The following GALNT2 variants were observed in gnomAD, a reference collection of about 807,000 sequenced individuals.
GALNT2 encodes the protein UDP-GalNAc:polypeptide N-acetylgalactosaminyltransferase 2.
In GALNT2, 31 loss-of-function variants were observed where a neutral mutation model predicts 81.4. The observed-to-expected ratio is 0.38, with a 90% CI of 0.29 to 0.51. The LOEUF (loss-of-function observed/expected upper bound fraction) is 0.51. GALNT2 is among the 20% of genes least tolerant of loss of function. The pLI, the probability that GALNT2 is intolerant of heterozygous loss-of-function variation, is 0.87. For synonymous variants in GALNT2, 303 were observed against 287.4 expected (o/e 1.05, Z -0.55); for missense variants, 629 against 765.7 (o/e 0.82, Z 2.11).
rs75748768 is a variant in GALNT2, at chr1:230,158,326, G to T, written c.127-19892G>T. 5.7e-3 allele frequency among the ~76,000 whole-genome samples: 871 copies of T among 152,356 alleles called. 12 individuals carry two copies. The highest frequency in any genetic ancestry group is 0.02 in the African/African-American group (846 of 41,572). ...TAAGGCCTGAACACAGCAGTTGGTTGTAGGATTCTGGAGAGACTGGAGCTT... is the reference window on the plus strand; with the variant it reads ...TAAGGCCTGAACACAGCAGTTGGTTTTAGGATTCTGGAGAGACTGGAGCTT... On this transcript the variant is annotated intron_variant, in intron 1 of 15. Coordinates refer to ENST00000366672, the MANE Select transcript of GALNT2 (RefSeq NM_004481.5).
At chr1:230,069,049 T>C (rs1571923351) in intron 1 of GALNT2, among the ~76,000 whole-genome samples, 1 of 152,220 alleles carries the variant, frequency 6.6e-6, no homozygotes, top group South Asian at 2.1e-4. Flanking sequence ...CTGCCTTTCA[T>C]GCAAAGAAAA....
chr1:230,167,298 C>A (rs1662639982), intron 1 of GALNT2, among the ~76,000 whole-genome samples: 1 of 152,024 alleles, frequency 6.6e-6, no homozygotes, highest in African/African-American at 2.4e-5. Flanking sequence ...GCTGTGCATC[C>A]CCACACCTGG....
In GALNT2 at chr1:230,243,160, G is replaced by T; in HGVS notation, c.608-146G>T. ...ATAGTCTGTCTCATGGAGCAGTTTTGATCTCATCCAGCAAGTTTACAGTAA... is the reference window on the plus strand; with the variant it reads ...ATAGTCTGTCTCATGGAGCAGTTTTTATCTCATCCAGCAAGTTTACAGTAA... On this transcript the variant is annotated intron_variant, in intron 6 of 15. Transcript: ENST00000366672. This position sits in a 1 kb window ranked among gnomAD's most constrained non-coding sequence, Gnocchi z 4.2. The T allele has an allele frequency of 9.9e-7, 1 of 1,009,526 alleles. No homozygotes were observed. Among genetic ancestry groups the T allele is most frequent in the Middle Eastern group, 2.5e-4 (1 of 3,946 alleles). 62.5% of individuals were successfully genotyped at this position (1,009,526 alleles called of 1,614,324 possible).
At chr1:230,122,458 A>C (rs546583505) in intron 1 of GALNT2, among the ~76,000 whole-genome samples, 1 of 152,192 alleles carries the variant, frequency 6.6e-6, no homozygotes, top group African/African-American at 2.4e-5. Flanking sequence ...CATCTTTTCA[A>C]ATCATAGCAT....
At chr1:230,160,604 C>T (rs1436732296) in intron 1 of GALNT2, among the ~76,000 whole-genome samples, 7 of 151,990 alleles carry the variant, frequency 4.6e-5, no homozygotes, top group Non-Finnish European at 1.0e-4. Flanking sequence ...ATCCCAGCTA[C>T]TCAGGAAGCT....
At chr1:230,079,599 C>T (rs1432280712) in intron 1 of GALNT2, among the ~76,000 whole-genome samples, 2 of 152,242 alleles carry the variant, frequency 1.3e-5, no homozygotes, top group African/African-American at 4.8e-5. Context: ...TTCCCTCTTG[C>T]TGACGCAGAG....
At chr1:230,144,132 G>C (rs547548335) in intron 1 of GALNT2, among the ~76,000 whole-genome samples, 1 of 152,328 alleles carries the variant, frequency 6.6e-6, no homozygotes, top group South Asian at 2.1e-4. Flanking sequence ...TCGGGAGGCA[G>C]AGCAGGTTGG....
intron 14 of GALNT2, among the ~76,000 whole-genome samples, chr1:230,268,673 G>A (rs781377521): frequency 5.3e-5 from 8 of 152,260 alleles, no homozygotes; most frequent in East Asian, 1.9e-4. Flanking sequence ...CTAGTAACAC[G>A]AGACAGAGTC....
intron 1 of GALNT2, among the ~76,000 whole-genome samples, chr1:230,102,081 A>G (rs1460417186): frequency 2.0e-5 from 3 of 152,224 alleles, no homozygotes; most frequent in East Asian, 1.9e-4. Flanking sequence ...AGACACATCT[A>G]TCAGAGAAGC....
At chr1:230,188,506 T>A (rs960513694) in intron 2 of GALNT2, among the ~76,000 whole-genome samples, 2 of 152,212 alleles carry the variant, frequency 1.3e-5, no homozygotes, top group African/African-American at 4.8e-5. Flanking sequence ...GTTTTCCTTG[T>A]CTGTAAAATT....
chr1:230,062,901 T>A (rs571563561), upstream of GALNT2, among the ~76,000 whole-genome samples: 173 of 152,336 alleles, frequency 1.1e-3, 1 homozygote, highest in African/African-American at 3.7e-3. Context: ...GATCATATAG[T>A]AGTTCTAAAT....
intron 1 of GALNT2, among the ~76,000 whole-genome samples, chr1:230,061,192 A>ATGCGTGTG (rs1491583853): frequency 6.7e-6 from 1 of 148,834 alleles, no homozygotes. Context: ...ATGAGCATAG[A>ATGCGTGTG]TGTGTGTGTG....
chr1:230,198,083 C>T (rs1175952461), intron 2 of GALNT2, among the ~76,000 whole-genome samples: 1 of 152,236 alleles, frequency 6.6e-6, no homozygotes, highest in African/African-American at 2.4e-5. Flanking sequence ...AGAACTAACA[C>T]GAAGCTGCGT....
chr1:230,256,321 C>G (rs543215713), intron 11 of GALNT2, among the ~76,000 whole-genome samples: 41 of 152,214 alleles, frequency 2.7e-4, no homozygotes, highest in Non-Finnish European at 4.9e-4. Context: ...TGGCAGGCGC[C>G]TATAATCCCA....
At chr1:230,164,266 A>C (rs1250952824) in intron 1 of GALNT2, among the ~76,000 whole-genome samples, 1 of 152,176 alleles carries the variant, frequency 6.6e-6, no homozygotes, top group African/African-American at 2.4e-5. Flanking sequence ...GGAAGTACCC[A>C]GTAGAGGCCG....
chr1:230,125,384 C>A (rs1402206286), intron 1 of GALNT2, among the ~76,000 whole-genome samples: 2 of 152,192 alleles, frequency 1.3e-5, no homozygotes, highest in African/African-American at 4.8e-5. Context: ...TTCCTAGCGA[C>A]CCCTCCCTCA....
chr1:230,270,874 A>G (rs1666144545), intron 14 of GALNT2, among the ~76,000 whole-genome samples: 1 of 152,270 alleles, frequency 6.6e-6, no homozygotes, highest in African/African-American at 2.4e-5. Flanking sequence ...GATAATTGAA[A>G]TGCAACAGAA....
chr1:230,113,542 C>T (rs1298271521), intron 1 of GALNT2, among the ~76,000 whole-genome samples: 2 of 152,146 alleles, frequency 1.3e-5, no homozygotes, highest in African/African-American at 4.8e-5. Context: ...CCATGTGGGA[C>T]AACGGCTGAG....
intron 3 of GALNT2, among the ~76,000 whole-genome samples, chr1:230,206,272 C>T (rs188548562): frequency 2.7e-4 from 41 of 152,190 alleles, no homozygotes; most frequent in Middle Eastern, 3.4e-3. Flanking sequence ...ACTATATGTA[C>T]GTATATTTTT....
Sources: allele counts gnomAD v4.1 joint callset (sites outside exome capture counted in the v4.1 genomes callset), GRCh38; gene constraint gnomAD v4.1.1; non-coding constraint Gnocchi (gnomAD v3.1); transcripts MANE v1.5; gene names NCBI Gene and HGNC (gene_info 2026-07-23, HGNC 2026-07-21).